The following CLVS1 variants were observed in gnomAD, a reference collection of about 807,000 sequenced individuals.
CLVS1 encodes clavesin-1.
In CLVS1, 10 loss-of-function variants were observed where a neutral mutation model predicts 33.1. The ratio of observed to expected loss-of-function variants is 0.30; its 90% CI spans 0.19 to 0.51. The LOEUF is 0.51. Ranked by LOEUF, CLVS1 falls within the 20% of genes least tolerant of loss-of-function variation. The pLI is 0.97. For synonymous variants in CLVS1, 163 were observed against 166.1 expected (o/e 0.98, Z 0.14); for missense variants, 343 against 433.4 (o/e 0.79, Z 1.85).
Position 61,195,608 on chromosome 8 carries a change from TA to T in CLVS1, c.-152+63755del, listed in dbSNP as rs1376485489. ...TAAATCATAAATGACTGCCATATCA[TA>T]AAAAAATTAGCTTTTCATTAGATTC... On this transcript the variant is annotated intron_variant, in intron 2 of 2. Transcript: ENST00000522621. Among the ~76,000 whole-genome samples, 6 of 152,104 alleles carry T rather than the reference TA, an allele frequency of 3.9e-5. No individual in the cohort carries two copies. In the East Asian group the frequency reaches 7.7e-4, roughly 20 times the overall value.
intron 2 of CLVS1, among the ~76,000 whole-genome samples, chr8:61,233,617 A>G (rs994209397): frequency 6.6e-6 from 1 of 152,052 alleles, no homozygotes; most frequent in African/African-American, 2.4e-5. Flanking sequence ...TACTCCTAGA[A>G]CCAGACTCCT....
chr8:61,440,802 G>C (rs1270684141), intron 3 of CLVS1, among the ~76,000 whole-genome samples: 1 of 152,190 alleles, frequency 6.6e-6, no homozygotes, highest in Non-Finnish European at 1.5e-5. Context: ...GGAACACTGG[G>C]TTGGTACAGC....
At chr8:61,278,744 G>T (rs560383609) in intron 2 of CLVS1, among the ~76,000 whole-genome samples, 1 of 152,328 alleles carries the variant, frequency 6.6e-6, no homozygotes, top group South Asian at 2.1e-4. Flanking sequence ...CTCCAGTTTA[G>T]GGCTGTGCCC....
At chr8:61,299,422 C>T (rs535790296) in intron 1 of CLVS1, among the ~76,000 whole-genome samples, 26 of 152,238 alleles carry the variant, frequency 1.7e-4, no homozygotes, top group Non-Finnish European at 2.6e-4. Context: ...AGCACTATTA[C>T]GTTAACTAGT....
In CLVS1 at chr8:61,275,886, C is replaced by T. The variant is rs138019621; in HGVS notation, c.-151-23791C>T. Among the ~76,000 whole-genome samples the T allele has an allele frequency of 2.0e-5, 3 of 152,238 alleles. No homozygotes were observed. In the East Asian group the frequency reaches 5.8e-4, roughly 29 times the overall value. ...TCTCTTAGCCGTCATGTTGCTCGTGCAATATTTCTTTATGTCAACAGGACT... is the reference window on the plus strand; with the variant it reads ...TCTCTTAGCCGTCATGTTGCTCGTGTAATATTTCTTTATGTCAACAGGACT... On this transcript the variant is annotated intron_variant, in intron 2 of 2. Coordinates refer to the CLVS1 transcript ENST00000522621.
the CLVS1 span, among the ~76,000 whole-genome samples, chr8:60,994,855 G>T: frequency 6.6e-6 from 1 of 151,968 alleles, no homozygotes; most frequent in Non-Finnish European, 1.5e-5. Context: ...CAGAAATAAC[G>T]CTGCATATCT....
intron 3 of CLVS1, among the ~76,000 whole-genome samples, chr8:61,443,089 T>G (rs968495599): frequency 6.6e-6 from 1 of 152,226 alleles, no homozygotes; most frequent in Non-Finnish European, 1.5e-5. Context: ...ATTTCTTGTT[T>G]CAATACTGTT....
chr8:61,089,044 T>C (rs10957180), intron 1 of CLVS1, among the ~76,000 whole-genome samples: 53,863 of 151,920 alleles, frequency 0.35, 10,584 homozygotes, highest in African/African-American at 0.51. Context: ...CCTCGTGATC[T>C]GCCCGCCTCG....
At chr8:61,101,631 G>GTTTA (rs1311063887) in intron 1 of CLVS1, among the ~76,000 whole-genome samples, 4 of 151,832 alleles carry the variant, frequency 2.6e-5, no homozygotes, top group African/African-American at 4.8e-5. Flanking sequence ...ATGATGTCTG[G>GTTTA]TTTATTTATT....
the CLVS1 span, among the ~76,000 whole-genome samples, chr8:60,992,590 G>A: frequency 2.2e-3 from 337 of 152,316 alleles, 1 homozygote; most frequent in Non-Finnish European, 3.6e-3. Context: ...TATTCAAAAG[G>A]AAAAGGAAAC....
chr8:61,019,653 G>T, the CLVS1 span, among the ~76,000 whole-genome samples: 1 of 151,996 alleles, frequency 6.6e-6, no homozygotes, highest in African/African-American at 2.4e-5. Context: ...CCTCATCTTA[G>T]CTTTTGCTCT....
At chr8:61,453,140 G>T (rs1817024859) in intron 3 of CLVS1, among the ~76,000 whole-genome samples, 1 of 151,718 alleles carries the variant, frequency 6.6e-6, no homozygotes, top group African/African-American at 2.4e-5. Context: ...GATGTTTGTG[G>T]CAATGAAATT....
intron 2 of CLVS1, among the ~76,000 whole-genome samples, chr8:61,228,257 T>G (rs1808370376): frequency 6.6e-6 from 1 of 152,236 alleles, no homozygotes. Context: ...CATTATGGAA[T>G]AGCTAAATCA....
At chr8:61,467,043 A>ATATATG (rs1817571503) in intron 5 of CLVS1, among the ~76,000 whole-genome samples, 4 of 152,230 alleles carry the variant, frequency 2.6e-5, no homozygotes, top group Admixed American at 1.3e-4. Flanking sequence ...AGGTCTTCAA[A>ATATATG]TATATGTATC....
chr8:61,031,973 T>C, the CLVS1 span, among the ~76,000 whole-genome samples: 17 of 152,080 alleles, frequency 1.1e-4, no homozygotes, highest in African/African-American at 3.9e-4. Context: ...AAAAATAAGA[T>C]AAAATATGGG....
At chr8:61,055,084 A>T (rs1804452949), upstream of CLVS1, among the ~76,000 whole-genome samples, 1 of 152,330 alleles carries the variant, frequency 6.6e-6, no homozygotes, top group East Asian at 1.9e-4. Flanking sequence ...CTCATCATGG[A>T]ATAGAAATGA....
At chr8:61,306,401 A>G (rs1002661004) in intron 2 of CLVS1, among the ~76,000 whole-genome samples, 10 of 151,946 alleles carry the variant, frequency 6.6e-5, no homozygotes, top group Non-Finnish European at 1.3e-4. Context: ...TTTCCTTGTA[A>G]ATTTGTTTAA....
chr8:61,436,505 G>A (rs1264785775), intron 3 of CLVS1, among the ~76,000 whole-genome samples: 1 of 152,168 alleles, frequency 6.6e-6, no homozygotes, highest in Non-Finnish European at 1.5e-5. Context: ...CCTCTCAGGA[G>A]CATTCAACAC....
At chr8:61,309,148 T>C (rs1389049249) in intron 2 of CLVS1, among the ~76,000 whole-genome samples, 1 of 152,188 alleles carries the variant, frequency 6.6e-6, no homozygotes, top group African/African-American at 2.4e-5. Context: ...GAAGTCGAGA[T>C]GATTCTGAAG....
Sources: gnomAD v4.1 joint callset for allele counts (sites outside exome capture counted in the v4.1 genomes callset) on GRCh38, gnomAD v4.1.1 for gene constraint, MANE v1.5 for transcripts, NCBI Gene and HGNC (gene_info 2026-07-23, HGNC 2026-07-21) for gene names.